KRT8: variants seen among roughly 807,000 people sequenced by gnomAD.
KRT8 encodes the protein keratin 8.
In KRT8, 24 loss-of-function variants were observed where a neutral mutation model predicts 43.0. That is an observed-to-expected ratio of 0.56 (90% CI 0.40 to 0.78). The LOEUF (loss-of-function observed/expected upper bound fraction) is 0.78. KRT8 is among the 30% of genes least tolerant of loss of function. The pLI, the probability that KRT8 is intolerant of heterozygous loss-of-function variation, is 0.00. For synonymous variants in KRT8, 214 were observed against 261.2 expected (o/e 0.82, Z 1.74); for missense variants, 492 against 638.4 (o/e 0.77, Z 2.47).
At chr12:52,947,911 C>T (rs1407513614) in intron 2 of KRT8, 1 of 152,110 alleles carries the variant, frequency 6.6e-6, no homozygotes, top group African/African-American at 2.4e-5. Context: ...CCGCCCTTCT[C>T]TCCCAGCTCC....
intron 2 of KRT8, among the ~76,000 whole-genome samples, chr12:52,941,331 A>G (rs1942264346): frequency 1.3e-5 from 2 of 152,066 alleles, no homozygotes; most frequent in African/African-American, 2.4e-5. Context: ...GAAACCTCCA[A>G]TTAGGGATAA....
chr12:52,926,544 G>T lies in KRT8; in HGVS notation c.-46-21517C>A, dbSNP rs528350224. The T allele has an allele frequency of 4.8e-6, 6 of 1,249,814 alleles. No homozygotes were observed. The Admixed American group carries it at 1.0e-4, about 21-fold the overall frequency. 77.4% of individuals were successfully genotyped at this position (1,249,814 alleles called of 1,614,324 possible). ...TGCCGGAAGTGGCCACTCCTATAGAGACCCCAAGAATAGGGCTTTGTTACA... is the reference window on the plus strand; with the variant it reads ...TGCCGGAAGTGGCCACTCCTATAGATACCCCAAGAATAGGGCTTTGTTACA... On this transcript the variant is annotated intron_variant, in intron 2 of 6. Coordinates refer to the KRT8 transcript ENST00000546826.
chr12:52,948,847 A>T, intron 2 of KRT8: 1 of 418,308 alleles, frequency 2.4e-6, no homozygotes, highest in Non-Finnish European at 4.1e-6. Flanking sequence ...GAAGAGCATA[A>T]TAACGTCATT....
At chr12:52,918,320 G>A (rs1017305231) in intron 2 of KRT8, among the ~76,000 whole-genome samples, 23 of 152,110 alleles carry the variant, frequency 1.5e-4, no homozygotes, top group Admixed American at 6.5e-4. Context: ...AAGGTCAAGG[G>A]GCCTCTACTG....
At chr12:52,945,777 C>G (rs1942334160) in intron 2 of KRT8, among the ~76,000 whole-genome samples, 1 of 152,136 alleles carries the variant, frequency 6.6e-6, no homozygotes, top group Admixed American at 6.6e-5. Context: ...AGGCTCATTA[C>G]TCTTTGTGTC....
intron 2 of KRT8, chr12:52,926,329 G>A: frequency 1.2e-6 from 1 of 829,454 alleles, no homozygotes; most frequent in Non-Finnish European, 1.9e-6. Flanking sequence ...CCTGGCACTA[G>A]CTGCCCTCCC....
chr12:52,899,460 C>T (rs2120548764), intron 5 of KRT8, among the ~76,000 whole-genome samples: 1 of 152,246 alleles, frequency 6.6e-6, no homozygotes, highest in Middle Eastern at 3.4e-3. Context: ...GGGTTCTAGA[C>T]TTTCCTTAAA....
intron 2 of KRT8, chr12:52,926,340 C>T (rs1452056408): frequency 6.3e-6 from 5 of 796,046 alleles, no homozygotes; most frequent in African/African-American, 1.7e-5. Flanking sequence ...CTGCCCTCCC[C>T]ACCCCACCCC....
chr12:52,931,983 G>A (rs1336931093), intron 2 of KRT8, among the ~76,000 whole-genome samples: 1 of 151,874 alleles, frequency 6.6e-6, no homozygotes, highest in Non-Finnish European at 1.5e-5. Flanking sequence ...GTTTTGTAGA[G>A]ACAGAGATTT....
chr12:52,898,749 T>A (rs767003605), exon 6 of KRT8: 1 of 1,614,210 alleles, frequency 6.2e-7, no homozygotes, highest in Non-Finnish European at 8.5e-7. Flanking sequence ...TTGACGTTCA[T>A]CAGCTCCTGG....
chr12:52,944,921 G>A (rs764047782), intron 2 of KRT8, among the ~76,000 whole-genome samples: 14 of 152,102 alleles, frequency 9.2e-5, no homozygotes, highest in South Asian at 2.1e-4. Flanking sequence ...GCTGCCACCC[G>A]CATCCTCCCC....
intron 2 of KRT8, among the ~76,000 whole-genome samples, chr12:52,918,469 ACTGGCAT>A (rs1036051044): frequency 4.6e-5 from 7 of 152,176 alleles, no homozygotes; most frequent in Non-Finnish European, 8.8e-5. Context: ...GAAGGGAAGA[ACTGGCAT>A]CTGAGCCCCG....
At chr12:52,947,312 A>G (rs1030240442) in intron 2 of KRT8, 1 of 152,116 alleles carries the variant, frequency 6.6e-6, no homozygotes, top group African/African-American at 2.4e-5. Flanking sequence ...TCTAATCCAG[A>G]CAGCCCTTAC....
At chr12:52,947,740 TC>T (rs1200040154) in intron 2 of KRT8, 2 of 140,380 alleles carry the variant, frequency 1.4e-5, no homozygotes, top group African/African-American at 5.7e-5. Flanking sequence ...AGAGTCTTGC[TC>T]TGTTGTCTAG....
rs781234095 is a variant in KRT8, at chr12:52,897,521, G to GCTGGAGGAGCTGGTGCGT, written c.1358_1359insACGCACCAGCTCCTCCAG (p.Phe452_Ser453insArgArgThrSerSerSer). The GCTGGAGGAGCTGGTGCGT allele has an allele frequency of 3.1e-6, 5 of 1,598,670 alleles. No individual in the cohort carries two copies. The Admixed American group carries it at 8.3e-5, about 27-fold the overall frequency. On this transcript the variant is annotated inframe_insertion, in exon 8 of 8. Transcript: ENST00000692008. ...CCACGGCCCTGGAGGAGCTGGTGCGGCTGAAGGAGCTGGAGCCCGCGCCAG... is the reference window on the plus strand; with the variant it reads ...CCACGGCCCTGGAGGAGCTGGTGCGGCTGGAGGAGCTGGTGCGTCTGAAGGAGCTGGAGCCCGCGCCAG...
chr12:52,943,997 A>C (rs1942306200), intron 2 of KRT8, among the ~76,000 whole-genome samples: 1 of 152,152 alleles, frequency 6.6e-6, no homozygotes, highest in African/African-American at 2.4e-5. Context: ...GTGAGCAGGG[A>C]GCAGAAGGCT....
chr12:52,927,018 T>C (rs1361168701), intron 2 of KRT8, among the ~76,000 whole-genome samples: 2 of 152,156 alleles, frequency 1.3e-5, no homozygotes, highest in African/African-American at 4.8e-5. Context: ...TCTGACCCTA[T>C]CTCCTCTCTC....
chr12:52,938,170 ATTTTTTT>A (rs780140219), intron 2 of KRT8, among the ~76,000 whole-genome samples: 1 of 30,308 alleles, frequency 3.3e-5, no homozygotes, highest in African/African-American at 1.4e-4. Context: ...ATATATATAT[ATTTTTTT>A]TTTTTTTTAT....
chr12:52,949,112 G>C (rs1007449580), intron 2 of KRT8: 6 of 1,365,608 alleles, frequency 4.4e-6, no homozygotes, highest in South Asian at 3.5e-5. Flanking sequence ...CGCGCGGCTC[G>C]CGCAGGCCGC....
Sources: allele counts gnomAD v4.1 joint callset (sites outside exome capture counted in the v4.1 genomes callset), GRCh38; gene constraint gnomAD v4.1.1; transcripts MANE v1.5; gene names NCBI Gene and HGNC (gene_info 2026-07-23, HGNC 2026-07-21).